Variants in PPARGC1A observed in about 807,000 individuals in gnomAD.
PPARGC1A encodes PPARG coactivator 1 alpha.
PPARGC1A carries 25 observed loss-of-function variants against 88.7 expected under a neutral mutation model. The ratio of observed to expected loss-of-function variants is 0.28; its 90% CI spans 0.21 to 0.39. PPARGC1A has a LOEUF of 0.39. Among genes scored for constraint, PPARGC1A ranks in the 10% least tolerant of loss-of-function variants. The pLI is 1.00. For missense variants in PPARGC1A, 880 were observed against 968.7 expected (o/e 0.91, Z 1.22); for synonymous variants, 363 against 355.6 (o/e 1.02, Z -0.24).
chr4:24,470,573 G>C, the PPARGC1A span, among the ~76,000 whole-genome samples: 1 of 152,022 alleles, frequency 6.6e-6, no homozygotes, highest in Middle Eastern at 3.2e-3. The surrounding 1 kb of genome is among the most constrained non-coding windows in gnomAD (Gnocchi z 5.8). Context: ...GACCACCTCA[G>C]TAGCTCCTGC....
chr4:24,272,490 AAATTT>A, the PPARGC1A span, among the ~76,000 whole-genome samples: 1 of 152,192 alleles, frequency 6.6e-6, no homozygotes, highest in Non-Finnish European at 1.5e-5. Context: ...CCTAATTTAG[AAATTT>A]AATACACTTC....
chr4:24,208,951 A>G, the PPARGC1A span, among the ~76,000 whole-genome samples: 1 of 152,150 alleles, frequency 6.6e-6, no homozygotes, highest in Non-Finnish European at 1.5e-5. Context: ...GGTCACAGAT[A>G]ATAATGGCAG....
At chr4:24,336,888 T>C in the PPARGC1A span, among the ~76,000 whole-genome samples, 1 of 152,064 alleles carries the variant, frequency 6.6e-6, no homozygotes, top group Non-Finnish European at 1.5e-5. Context: ...CATAGCAAGA[T>C]CCACCCATCT....
chr4:24,155,365 G>A, the PPARGC1A span, among the ~76,000 whole-genome samples: 1 of 151,934 alleles, frequency 6.6e-6, no homozygotes, highest in Non-Finnish European at 1.5e-5. Context: ...ACTTGTGACT[G>A]TAATCCTAGC....
chr4:23,892,126 T>C (rs1717939357), upstream of PPARGC1A, among the ~76,000 whole-genome samples: 1 of 152,246 alleles, frequency 6.6e-6, no homozygotes, highest in Admixed American at 6.5e-5. Context: ...AGAGATGTTC[T>C]TTACATTAGA....
the PPARGC1A span, among the ~76,000 whole-genome samples, chr4:24,213,190 A>G: frequency 6.3e-5 from 9 of 143,548 alleles, no homozygotes; most frequent in East Asian, 1.4e-3. Flanking sequence ...TTTTTGAGAC[A>G]GAGCCTTGCT....
chr4:24,185,304 C>T, the PPARGC1A span, among the ~76,000 whole-genome samples: 1 of 152,154 alleles, frequency 6.6e-6, no homozygotes, highest in South Asian at 2.1e-4. Flanking sequence ...ATTCTCAAGT[C>T]ATATACCTGT....
the PPARGC1A span, among the ~76,000 whole-genome samples, chr4:23,987,953 C>G: frequency 1.3e-5 from 2 of 151,844 alleles, no homozygotes; most frequent in Non-Finnish European, 2.9e-5. Context: ...CACCCACCCC[C>G]CAACAGGCCC....
At chr4:24,407,929 C>G in the PPARGC1A span, among the ~76,000 whole-genome samples, 1 of 152,142 alleles carries the variant, frequency 6.6e-6, no homozygotes, top group Non-Finnish European at 1.5e-5. Flanking sequence ...GAGACAGCTA[C>G]TTAAAATCTT....
At chr4:24,257,906 GTTCATA>G in the PPARGC1A span, among the ~76,000 whole-genome samples, 2 of 151,856 alleles carry the variant, frequency 1.3e-5, no homozygotes, top group African/African-American at 4.8e-5. Flanking sequence ...TATATCCATG[GTTCATA>G]TAAACATTTT....
the PPARGC1A span, among the ~76,000 whole-genome samples, chr4:24,299,725 C>T: frequency 1.4e-4 from 22 of 152,218 alleles, no homozygotes; most frequent in African/African-American, 3.6e-4. Context: ...AACACATAAA[C>T]GACTACAGTC....
intron 7 of PPARGC1A, among the ~76,000 whole-genome samples, chr4:23,816,431 T>C (rs556260366): frequency 6.6e-6 from 1 of 152,326 alleles, no homozygotes; most frequent in South Asian, 2.1e-4. Flanking sequence ...GTCAATCTTA[T>C]CTTTTCTCTC....
the PPARGC1A span, among the ~76,000 whole-genome samples, chr4:24,039,588 CAA>C: frequency 2.0e-5 from 3 of 151,968 alleles, no homozygotes; most frequent in African/African-American, 7.3e-5. Flanking sequence ...CCTCTGATGC[CAA>C]GTGAGAACAT....
the PPARGC1A span, among the ~76,000 whole-genome samples, chr4:24,121,666 T>C: frequency 6.6e-6 from 1 of 152,122 alleles, no homozygotes; most frequent in Non-Finnish European, 1.5e-5. Context: ...TACACAGCTA[T>C]ATATTTTAAA....
At chr4:23,928,926 G>A in the PPARGC1A span, among the ~76,000 whole-genome samples, 1 of 152,036 alleles carries the variant, frequency 6.6e-6, no homozygotes, top group Non-Finnish European at 1.5e-5. Context: ...GCTGAACAAT[G>A]AGAACACATG....
chr4:24,285,924 C>T, the PPARGC1A span, among the ~76,000 whole-genome samples: 5 of 152,202 alleles, frequency 3.3e-5, no homozygotes, highest in Admixed American at 6.5e-5. Flanking sequence ...AGTGGTTGCA[C>T]TGAAGCTTAA....
chr4:24,223,584 G>C, the PPARGC1A span, among the ~76,000 whole-genome samples: 1 of 152,240 alleles, frequency 6.6e-6, no homozygotes, highest in South Asian at 2.1e-4. Flanking sequence ...TCTGAAGTTA[G>C]ACTACATCTT....
At chr4:23,910,301 A>T in the PPARGC1A span, among the ~76,000 whole-genome samples, 1 of 62,962 alleles carries the variant, frequency 1.6e-5, no homozygotes, top group Non-Finnish European at 2.7e-5. Context: ...ATATATATTA[A>T]CCCTATATAT....
chr4:24,099,733 T>C, the PPARGC1A span, among the ~76,000 whole-genome samples: 2 of 152,156 alleles, frequency 1.3e-5, no homozygotes, highest in African/African-American at 4.8e-5. Flanking sequence ...GGGGAGGGGA[T>C]GTGGGATGTT....
Sources: allele counts gnomAD v4.1 joint callset (sites outside exome capture counted in the v4.1 genomes callset), GRCh38; gene constraint gnomAD v4.1.1; non-coding constraint Gnocchi (gnomAD v3.1); transcripts MANE v1.5; gene names NCBI Gene and HGNC (gene_info 2026-07-23, HGNC 2026-07-21).